The following PLXNA4 variants were observed in gnomAD, a reference collection of about 807,000 sequenced individuals.
PLXNA4 encodes plexin A4, also known as plexin-A4.
A neutral mutation model predicts 191.8 loss-of-function variants in PLXNA4; 44 were observed. The observed-to-expected ratio is 0.23, with a 90% confidence interval of 0.18 to 0.29. The LOEUF (loss-of-function observed/expected upper bound fraction) is 0.29, where lower values mean the gene tolerates loss of function less well. Ranked by LOEUF, PLXNA4 falls within the 10% of genes least tolerant of loss-of-function variation. PLXNA4 has a pLI of 1.00. For missense variants in PLXNA4, 1,800 were observed against 2,488.8 expected (o/e 0.72, Z 5.89); for synonymous variants, 1,082 against 1,009.5 (o/e 1.07, Z -1.36).
intron 3 of PLXNA4, among the ~76,000 whole-genome samples, chr7:132,314,841 C>T (rs1187539904): frequency 6.6e-6 from 1 of 152,184 alleles, no homozygotes; most frequent in Non-Finnish European, 1.5e-5. Context: ...ATCATGCCAG[C>T]TTGTTGTGTT....
chr7:132,194,239 C>T (rs1797181757), intron 13 of PLXNA4, 60 bp from the exon 14 acceptor site: 10 of 1,550,844 alleles, frequency 6.4e-6, no homozygotes, highest in South Asian at 2.4e-5. Context: ...GACCCTGCAC[C>T]CCACAGCACC....
chr7:132,422,819 C>T (rs1443772633), intron 3 of PLXNA4, among the ~76,000 whole-genome samples: 2 of 152,210 alleles, frequency 1.3e-5, no homozygotes, highest in African/African-American at 4.8e-5. Context: ...ATTATTACCC[C>T]ACTGGGCAGA....
At chr7:132,330,810 C>A (rs980859039) in intron 3 of PLXNA4, among the ~76,000 whole-genome samples, 7 of 152,158 alleles carry the variant, frequency 4.6e-5, no homozygotes, top group African/African-American at 1.7e-4. Context: ...ACCCTGTGCA[C>A]CATGTATCCC....
Position 132,488,887 on chromosome 7 carries a change from T to C in PLXNA4, c.1371+405A>G, listed in dbSNP as rs893515363. On this transcript the variant is annotated intron_variant, in intron 3 of 31. Transcript: ENST00000321063. ...TGTTCCCTGAATGCATTCCAGATGATGCAGCAGCCAGAAGGGCTGGAGCAA... is the reference window on the plus strand; with the variant it reads ...TGTTCCCTGAATGCATTCCAGATGACGCAGCAGCCAGAAGGGCTGGAGCAA... Among the ~76,000 whole-genome samples the C allele has an allele frequency of 3.3e-5, 5 of 152,246 alleles. No homozygotes were observed. In the East Asian group the frequency reaches 5.8e-4, roughly 18 times the overall value.
At chr7:132,216,508 G>T (rs1797967033) in intron 9 of PLXNA4, among the ~76,000 whole-genome samples, 1 of 152,176 alleles carries the variant, frequency 6.6e-6, no homozygotes, top group Non-Finnish European at 1.5e-5. Flanking sequence ...AACCTGGTAT[G>T]GTTGTCCAGT....
intron 3 of PLXNA4, among the ~76,000 whole-genome samples, chr7:132,408,769 A>G (rs1207748541): frequency 6.6e-6 from 1 of 152,012 alleles, no homozygotes; most frequent in Non-Finnish European, 1.5e-5. Context: ...CCTGGCTAAA[A>G]ACACATTATT....
intron 3 of PLXNA4, among the ~76,000 whole-genome samples, chr7:132,319,255 T>C (rs754708851): frequency 3.9e-4 from 59 of 152,204 alleles, no homozygotes; most frequent in Non-Finnish European, 7.9e-4. Flanking sequence ...TCCCAGGCCC[T>C]GTCCACTGAG....
chr7:132,173,462 T>A (rs1276601389), intron 21 of PLXNA4, among the ~76,000 whole-genome samples: 1 of 152,194 alleles, frequency 6.6e-6, no homozygotes, highest in African/African-American at 2.4e-5. Flanking sequence ...CACCTCCAAC[T>A]TATGAAAGTG....
chr7:132,416,460 T>C (rs2117118733), intron 3 of PLXNA4, among the ~76,000 whole-genome samples: 1 of 152,330 alleles, frequency 6.6e-6, no homozygotes, highest in South Asian at 2.1e-4. Flanking sequence ...CATAGCCAGT[T>C]ATGTCGAAGG....
chr7:132,126,660 G>A lies in PLXNA4; in HGVS notation c.*3819C>T, dbSNP rs905180345. 4 of 151,656 alleles carry A rather than the reference G, an allele frequency of 2.6e-5. No individual in the cohort carries two copies. The highest frequency in any genetic ancestry group is 9.7e-5 in the African/African-American group (4 of 41,372). 9.4% of individuals were successfully genotyped at this position (151,656 alleles called of 1,614,324 possible). A position where few individuals can be genotyped will look rare whatever the true frequency, so the allele number is the denominator to read the frequency against. Reference sequence around the variant, plus strand: ...CTGCTTCTTCCTGGGAACAGTCCTGGACAGTCTGCCTCAAACTTTGGGATT... The same window carrying A: ...CTGCTTCTTCCTGGGAACAGTCCTGAACAGTCTGCCTCAAACTTTGGGATT... On this transcript the variant is annotated 3_prime_UTR_variant, in exon 32 of 32. Transcript: ENST00000321063.
chr7:132,474,621 T>TACACAC (rs201235696), intron 3 of PLXNA4, among the ~76,000 whole-genome samples: 5 of 146,634 alleles, frequency 3.4e-5, no homozygotes, highest in Non-Finnish European at 7.5e-5. Context: ...TGAGCACATG[T>TACACAC]ACACACACAC....
intron 16 of PLXNA4, among the ~76,000 whole-genome samples, chr7:132,184,172 C>A (rs536942454): frequency 6.6e-6 from 1 of 152,312 alleles, no homozygotes; most frequent in Admixed American, 6.5e-5. Flanking sequence ...AGCCCCACAC[C>A]CCTGAGAACT....
At chr7:132,462,950 A>G (rs1265710707) in intron 3 of PLXNA4, among the ~76,000 whole-genome samples, 3 of 150,608 alleles carry the variant, frequency 2.0e-5, no homozygotes, top group African/African-American at 7.4e-5. Context: ...GTCAGGTTCA[A>G]GTGATTCTCC....
intron 3 of PLXNA4, among the ~76,000 whole-genome samples, chr7:132,370,215 T>C (rs533434975): frequency 2.6e-5 from 4 of 152,188 alleles, no homozygotes; most frequent in African/African-American, 9.6e-5. Context: ...GTGTAGAAAA[T>C]CCAGGTACAT....
At chr7:132,287,035 TTTTG>T (rs1265130189) in intron 4 of PLXNA4, among the ~76,000 whole-genome samples, 2 of 152,146 alleles carry the variant, frequency 1.3e-5, no homozygotes, top group South Asian at 2.1e-4. Flanking sequence ...CTAACAACGT[TTTTG>T]TTTGTTTGTT....
chr7:132,318,404 T>G (rs934547409), intron 3 of PLXNA4, among the ~76,000 whole-genome samples: 1 of 152,200 alleles, frequency 6.6e-6, no homozygotes, highest in South Asian at 2.1e-4. Flanking sequence ...TCACTTGCTT[T>G]GGACACTTGA....
chr7:132,175,030 G>A, intron 20 of PLXNA4, 110 bp from the exon 21 acceptor site: 1 of 1,482,434 alleles, frequency 6.7e-7, no homozygotes, highest in East Asian at 2.3e-5. Context: ...CATGAGCAAT[G>A]GACCACGATG....
At chr7:132,637,014 A>T (rs962203804) in intron 2 of PLXNA4, among the ~76,000 whole-genome samples, 3 of 152,132 alleles carry the variant, frequency 2.0e-5, no homozygotes. Context: ...ATATTGTTTG[A>T]CGCTGAAACA....
intron 1 of PLXNA4, among the ~76,000 whole-genome samples, chr7:132,531,564 C>T (rs564777518): frequency 7.9e-5 from 12 of 152,290 alleles, no homozygotes; most frequent in Non-Finnish European, 1.5e-4. Flanking sequence ...TGCAAATTCT[C>T]AGACTTCACT....
Sources: gnomAD v4.1 joint callset for allele counts (sites outside exome capture counted in the v4.1 genomes callset) on GRCh38, gnomAD v4.1.1 for gene constraint, MANE v1.5 for transcripts, NCBI Gene and HGNC (gene_info 2026-07-23, HGNC 2026-07-21) for gene names.